Variants in ZNF417 observed in about 807,000 individuals in gnomAD.
The protein encoded by ZNF417 is zinc finger protein 417.
Under a neutral mutation model 7.4 loss-of-function variants are expected in ZNF417, and 5 were observed. The ratio of observed to expected loss-of-function variants is 0.68; its 90% confidence interval spans 0.35 to 1.43. The LOEUF is 1.43. Ranked by LOEUF, ZNF417 falls within the 40% of genes most tolerant of loss-of-function variation. The probability of loss-of-function intolerance (pLI) is 0.04; values close to 1 mark genes in which losing one functional copy is unlikely to be tolerated. For missense variants in ZNF417, 437 were observed against 697.3 expected, an observed-to-expected ratio of 0.63 and a Z score of 4.20; for synonymous variants, 147 against 239.1, an observed-to-expected ratio of 0.61 and a Z score of 3.55.
chr19:57,907,326 A>G lies in ZNF417; in HGVS notation c.*1224T>C, dbSNP rs1474852202. The G allele has an allele frequency of 1.3e-5, 2 of 152,800 alleles. No individual in the cohort carries two copies. The highest frequency in any genetic ancestry group is 2.9e-5 in the Non-Finnish European group (2 of 68,204). The allele number at this position is 152,800 out of a possible 1,614,324, so 9.5% of individuals were successfully genotyped here. A position where few individuals can be genotyped will look rare whatever the true frequency, so the allele number is the denominator to read the frequency against. ...AAATTATGCTCCCCAAAAAACACAA[A>G]CACATATGTAAAAAATGTTATAAAG... On this transcript the variant is annotated 3_prime_UTR_variant, in exon 3 of 3. Transcript: ENST00000312026.
Position 57,908,765 on chromosome 19 carries a change from A to C in ZNF417, c.1513T>G (p.Ser505Ala). 6.2e-7 allele frequency: 1 copy of C among 1,613,648 alleles called. No individual in the cohort carries two copies. The highest frequency in any genetic ancestry group is 8.5e-7 in the Non-Finnish European group (1 of 1,179,610). The change falls in exon 3 of 3, where the codon TCT (serine) becomes GCT (alanine). Residue 505 changes from serine to alanine, a missense_variant. Ser to Ala is a moderately conservative substitution (Grantham distance 99). Around this residue, in one of 5 missense-constraint regions of ZNF417, gnomAD observed 233 missense variants for 235.5 expected, o/e 0.99. Transcript: ENST00000312026. ...NECGKSFLSS[S>A]ALHVHKRVHS... is the part of the protein sequence containing the mutation. ...ACTCTTTTATGAACATGAAGCGCAGAGCTGGAAAGAAATGATTTCCCACAT... is the reference window on the plus strand; with the variant it reads ...ACTCTTTTATGAACATGAAGCGCAGCGCTGGAAAGAAATGATTTCCCACAT...
Position 57,908,775 on chromosome 19 carries a change from A to C in ZNF417, c.1503T>G (p.Phe501Leu), listed in dbSNP as rs747187324. ...PYECNECGKS[F>L]LSSSALHVHK... Reference sequence around the variant, plus strand: ...GAACATGAAGCGCAGAGCTGGAAAGAAATGATTTCCCACATTCATTGCATT... The same window carrying C: ...GAACATGAAGCGCAGAGCTGGAAAGCAATGATTTCCCACATTCATTGCATT... The change falls in exon 3 of 3, where the codon TTT becomes TTG. Residue 501 changes from phenylalanine to leucine, a missense_variant. Physicochemically the swap from Phe to Leu is conservative, Grantham distance 22. Around this residue, in one of 5 missense-constraint regions of ZNF417, gnomAD observed 233 missense variants for 235.5 expected, o/e 0.99. Transcript: ENST00000312026. The C allele has an allele frequency of 2.5e-6, 4 of 1,613,284 alleles. No homozygotes were observed. The African/African-American group carries it at 5.3e-5, about 22-fold the overall frequency.
rs2071905142 is a variant in ZNF417, at chr19:57,912,186, C to A, written c.37G>T (p.Gly13Cys). The A allele has an allele frequency of 6.2e-7, 1 of 1,611,944 alleles. No homozygotes were observed. The highest frequency in any genetic ancestry group is 1.3e-5 in the African/African-American group (1 of 74,878). ...GCCACATCTTCAAAGGTCACAGTGC[C>A]CTGCTATGATAGTGACAGATGAAAC... ...AAAPRRPTQQ[G>C]TVTFEDVAVN... The change falls in exon 2 of 3, where the codon GGC becomes TGC. Residue 13 changes from glycine (G) to cysteine (C), a missense_variant. This residue lies in a region of ZNF417 where 57 missense variants were observed against 70.7 expected (regional missense o/e 0.81). Coordinates refer to ENST00000312026, the MANE Select transcript of ZNF417 (RefSeq NM_152475.3).
In ZNF417 at chr19:57,906,058, G is replaced by A. The variant is rs6510112; in HGVS notation, c.*2492C>T. On this transcript the variant is annotated 3_prime_UTR_variant, in exon 3 of 3. Transcript: ENST00000312026. ...TCAGCTGATTGCAACCTCCATTTCC[G>A]AGGAAGGCTCCTTAATTTCCCAATT... 0.37 allele frequency among the ~76,000 whole-genome samples: 55,508 copies of A among 151,874 alleles called. 11,744 individuals carry two copies. Among genetic ancestry groups the A allele is most frequent in the African/African-American group, 0.57 (23,731 of 41,416 alleles).
At position 57,908,285 on chromosome 19, in the gene ZNF417, T is replaced by G. The variant is rs561577896; in HGVS notation, c.*265A>C. 4 of 547,532 alleles carry G rather than the reference T, an allele frequency of 7.3e-6. No individual in the cohort carries two copies. Among genetic ancestry groups the G allele is most frequent in the Admixed American group, 3.2e-5 (1 of 31,140 alleles). 33.9% of individuals were successfully genotyped at this position (547,532 alleles called of 1,614,324 possible). ...CGGGCATGGTGTGGTGTACTCGTAA[T>G]CTCAGCTCCTTGGGAGGCTGAGGTA... On this transcript the variant is annotated 3_prime_UTR_variant, in exon 3 of 3. Transcript: ENST00000312026.
intron 1 of ZNF417, chr19:57,915,400 C>T: frequency 2.8e-6 from 1 of 352,022 alleles, no homozygotes; most frequent in Non-Finnish European, 5.3e-6. Context: ...ACACTTTGTT[C>T]CAGACAGGTT....
chr19:57,914,483 C>CAAAAAAAA (rs528220711), intron 1 of ZNF417, among the ~76,000 whole-genome samples: 7 of 57,610 alleles, frequency 1.2e-4, no homozygotes, highest in Non-Finnish European at 1.4e-4. Context: ...CGAAACTCCA[C>CAAAAAAAA]AAAAAAAAAA....
chr19:57,915,298 T>C, intron 1 of ZNF417: 1 of 184,364 alleles, frequency 5.4e-6, no homozygotes, highest in Non-Finnish European at 1.1e-5. Flanking sequence ...ATCATGTCCC[T>C]CCTTTATTCA....
At position 57,908,705 on chromosome 19, in the gene ZNF417, A is replaced by C. The variant is rs773324991; in HGVS notation, c.1573T>G (p.Cys525Gly). The part of the protein sequence containing the change: ...SGQKPYKCSE[C>G]GKSFAECSSL... ...GAACATTCAGCAAAGGATTTTCCAC[A>C]TTCACTGCACTTATAAGGCTTTTGT... Residue 525 changes from cysteine (C) to glycine (G), a missense_variant, in exon 3 of 3, where the codon TGT (cysteine) becomes GGT (glycine). By Grantham distance (159) the Cys-to-Gly change is radical (BLOSUM62 -3). This residue lies in a region of ZNF417 where 233 missense variants were observed against 235.5 expected (regional missense o/e 0.99). Transcript: ENST00000312026. 2 of 1,614,148 alleles carry C rather than the reference A, an allele frequency of 1.2e-6. No individual in the cohort carries two copies. The highest frequency in any genetic ancestry group is 2.2e-5 in the East Asian group (1 of 44,876).
chr19:57,915,551 G>C, intron 1 of ZNF417: 1 of 431,846 alleles, frequency 2.3e-6, no homozygotes, highest in Non-Finnish European at 4.2e-6. Flanking sequence ...TTATGACAGT[G>C]AAAGAAATCA....
chr19:57,911,612 G>A (rs1442362631), intron 2 of ZNF417, among the ~76,000 whole-genome samples: 1 of 152,186 alleles, frequency 6.6e-6, no homozygotes, highest in Non-Finnish European at 1.5e-5. Context: ...GGAGAGTAAG[G>A]TAAGTATTAC....
chr19:57,914,310 AC>A lies in ZNF417; in HGVS notation c.33+2068del, dbSNP rs548784511. Among the ~76,000 whole-genome samples the A allele has an allele frequency of 8.3e-3, 1,263 of 151,670 alleles. 26 individuals carry two copies. Among genetic ancestry groups the A allele is most frequent in the African/African-American group, 0.029 (1,218 of 41,312 alleles). On this transcript the variant is annotated intron_variant, in intron 1 of 2. Coordinates refer to ENST00000312026, the MANE Select transcript of ZNF417 (RefSeq NM_152475.3). ...AGACCAGTCTGGCCAATATGATGAA[AC>A]CCCGTTTCTACTAAAAATACAAAAA...
In ZNF417 at chr19:57,916,380, T is replaced by C. The variant is rs144872511; in HGVS notation, c.32A>G (p.Gln11Arg). The C allele has an allele frequency of 1.2e-4, 196 of 1,614,172 alleles. No homozygotes were observed. In the African/African-American group the frequency reaches 2.3e-3, roughly 19 times the overall value. ...GGGCACAGAAGGCGCCACAATTACC[T>C]GAGTCGGGCGCCTCGGCGCAGCCGC... The part of the protein sequence containing the change: MAAAAPRRPT[Q>R]QGTVTFEDVA... Residue 11 changes from glutamine (Q) to arginine (R), a missense_variant and splice_region_variant, in exon 1 of 3, where the codon CAG becomes CGG. This residue lies in a region of ZNF417 where 57 missense variants were observed against 70.7 expected (regional missense o/e 0.81). Transcript: ENST00000312026.
rs771864344 is a variant in ZNF417 at position 57,908,914 on chromosome 19, T to C, written c.1364A>G (p.Glu455Gly). ...FNRKYHLLVH[E>G]RVHTGERPYA... ...TGGCCTTTCTCCAGTGTGAACTCTC[T>C]CATGAACGAGAAGATGATACTTCCT... Residue 455 changes from glutamate to glycine, a missense_variant, in exon 3 of 3, where the codon GAG (glutamate) becomes GGG (glycine). By Grantham distance (98) the Glu-to-Gly change is moderately conservative (BLOSUM62 -2). This residue lies in a region of ZNF417 where 233 missense variants were observed against 235.5 expected (regional missense o/e 0.99). Coordinates refer to ENST00000312026, the MANE Select transcript of ZNF417 (RefSeq NM_152475.3). 1.2e-6 allele frequency: 2 copies of C among 1,614,012 alleles called. No homozygotes were observed. Among genetic ancestry groups the C allele is most frequent in the Non-Finnish European group, 8.5e-7 (1 of 1,179,900 alleles).
intron 1 of ZNF417, chr19:57,915,741 C>T (rs1279919167): frequency 2.4e-6 from 1 of 408,932 alleles, no homozygotes; most frequent in Non-Finnish European, 4.3e-6. Context: ...CTTTGCAGGA[C>T]TAACGAATTA....
chr19:57,916,237 C>T, intron 1 of ZNF417, 142 bp downstream of exon 1: 1 of 1,511,274 alleles, frequency 6.6e-7, no homozygotes. Flanking sequence ...TGGACAGTTA[C>T]ACAGGGACCC....
rs961705333 is a variant in ZNF417, at chr19:57,908,368, C to T, written c.*182G>A. On this transcript the variant is annotated 3_prime_UTR_variant, in exon 3 of 3. Transcript: ENST00000312026. Reference sequence around the variant, plus strand: ...GCAGTGAGCCAAGATTGCACCACTGCACTCCAGCCTGGGTGACAGAATGAG... The same window carrying T: ...GCAGTGAGCCAAGATTGCACCACTGTACTCCAGCCTGGGTGACAGAATGAG... The T allele has an allele frequency of 5.1e-6, 6 of 1,169,582 alleles. No individual in the cohort carries two copies. In the Admixed American group the frequency reaches 1.5e-4, roughly 30 times the overall value. The allele number at this position is 1,169,582 out of a possible 1,614,324, so 72.5% of individuals were successfully genotyped here. A position where few individuals can be genotyped will look rare whatever the true frequency, so the allele number is the denominator to read the frequency against.
At position 57,906,553 on chromosome 19, in the gene ZNF417, A is replaced by C. The variant is rs865877695; in HGVS notation, c.*1997T>G. Among the ~76,000 whole-genome samples the C allele has an allele frequency of 1.3e-5, 2 of 151,656 alleles. No individual in the cohort carries two copies. Among genetic ancestry groups the C allele is most frequent in the Non-Finnish European group, 2.9e-5 (2 of 67,950 alleles). On this transcript the variant is annotated 3_prime_UTR_variant, in exon 3 of 3. Transcript: ENST00000312026. The stretch of plus-strand genomic sequence containing the variant: ...TGAGGGGGGTGGATCATGAGGTCAC[A>C]AGTTTGAGACCAGCCTGGCTAACGT...
At position 57,916,405 on chromosome 19, in the gene ZNF417, C is replaced by G. The variant is rs756696891; in HGVS notation, c.7G>C (p.Ala3Pro). The G allele has an allele frequency of 8.7e-6, 14 of 1,614,024 alleles. No individual in the cohort carries two copies. Among genetic ancestry groups the G allele is most frequent in the Non-Finnish European group, 1.1e-5 (13 of 1,180,048 alleles). ...TGAGTCGGGCGCCTCGGCGCAGCCGCTGCCATCGGACTACTTGGGGAAGCA... is the reference window on the plus strand; with the variant it reads ...TGAGTCGGGCGCCTCGGCGCAGCCGGTGCCATCGGACTACTTGGGGAAGCA... MA[A>P]AAPRRPTQQG... Residue 3 changes from alanine to proline, a missense_variant, in exon 1 of 3, where the codon GCG becomes CCG. Ala to Pro is a conservative substitution (Grantham distance 27, BLOSUM62 -1). Coordinates refer to ENST00000312026, the MANE Select transcript of ZNF417 (RefSeq NM_152475.3).
Sources: gnomAD v4.1 joint callset for allele counts (sites outside exome capture counted in the v4.1 genomes callset) on GRCh38, gnomAD v4.1.1 for gene constraint, gnomAD v4.1.1 regional missense constraint, MANE v1.5 for transcripts, NCBI Gene and HGNC (gene_info 2026-07-23, HGNC 2026-07-21) for gene names.